The following ILRUN variants were observed in gnomAD, a reference collection of about 807,000 sequenced individuals.
The protein encoded by ILRUN is inflammation and lipid regulator with UBA-like and NBR1-like domains, also known as protein ILRUN.
A neutral mutation model predicts 33.8 loss-of-function variants in ILRUN; 3 were observed. That is an observed-to-expected ratio of 0.09 (90% CI 0.04 to 0.23). ILRUN has a LOEUF of 0.23. Among genes scored for constraint, ILRUN ranks in the 10% least tolerant of loss-of-function variants. ILRUN has a pLI of 1.00. For synonymous variants in ILRUN, 124 were observed against 138.9 expected (o/e 0.89, Z 0.75); for missense variants, 210 against 375.1 (o/e 0.56, Z 3.64).
chr6:34,637,660 G>A (rs552982671), intron 3 of ILRUN, among the ~76,000 whole-genome samples: 9 of 152,182 alleles, frequency 5.9e-5, no homozygotes, highest in Non-Finnish European at 1.2e-4. Flanking sequence ...TGACTAGGCA[G>A]TGAAAACATT....
intron 3 of ILRUN, chr6:34,616,914 G>T: frequency 1.6e-6 from 1 of 610,584 alleles, no homozygotes; most frequent in Non-Finnish European, 3.1e-6. Context: ...AACATGCTGA[G>T]GATTGTAGAA....
chr6:34,590,076 C>T lies in ILRUN; in HGVS notation c.*489G>A, dbSNP rs904901508. The T allele has an allele frequency of 2.5e-5, 4 of 158,214 alleles. No individual in the cohort carries two copies. The highest frequency in any genetic ancestry group is 1.8e-4 in the South Asian group (1 of 5,452). The allele number at this position is 158,214 out of a possible 1,614,324, so 9.8% of individuals were successfully genotyped here. The stretch of plus-strand genomic sequence containing the variant: ...ATCCGCAGAGTCCTCAAACATGCCA[C>T]GCCAACTTTTCACCTGAATCTCTTC... On this transcript the variant is annotated 3_prime_UTR_variant, in exon 5 of 5. Transcript: ENST00000374023.
chr6:34,646,653 T>C lies in ILRUN; in HGVS notation c.459A>G (p.Gly153=). ...ACATCCGCCACTGTCCCTGATACAT[T>C]CCTGCTCTGCTGGGGCTGCACATCT... The part of the protein sequence containing the change: ...SVQMCSPSRA[G]MYQGQWRMCT... Residue 153 remains glycine, a synonymous_variant, in exon 3 of 5, where the codon GGA becomes GGG. Transcript: ENST00000374023. The surrounding 1 kb of genome is among the most constrained non-coding windows in gnomAD (Gnocchi z 4.9). The C allele has an allele frequency of 6.2e-7, 1 of 1,614,130 alleles. No homozygotes were observed. Among genetic ancestry groups the C allele is most frequent in the Non-Finnish European group, 8.5e-7 (1 of 1,180,022 alleles).
chr6:34,613,582 G>A (rs965887475), intron 3 of ILRUN, among the ~76,000 whole-genome samples: 17 of 152,262 alleles, frequency 1.1e-4, no homozygotes, highest in African/African-American at 3.6e-4. Context: ...ATAAGTAAAC[G>A]GATGTTATAT....
intron 1 of ILRUN, among the ~76,000 whole-genome samples, chr6:34,676,034 C>T (rs1302259090): frequency 6.6e-6 from 1 of 152,128 alleles, no homozygotes; most frequent in Non-Finnish European, 1.5e-5. Context: ...ACATCCAATG[C>T]ATCCAGTCAA....
At chr6:34,598,222 G>A (rs1357154245) in intron 4 of ILRUN, among the ~76,000 whole-genome samples, 1 of 152,106 alleles carries the variant, frequency 6.6e-6, no homozygotes, top group Non-Finnish European at 1.5e-5. Flanking sequence ...TGGCCCTTAG[G>A]CAGTGAAATC....
intron 1 of ILRUN, among the ~76,000 whole-genome samples, chr6:34,684,666 G>A (rs1763477596): frequency 1.3e-5 from 2 of 152,018 alleles, no homozygotes; most frequent in Admixed American, 1.3e-4. Flanking sequence ...ACACTGCTAA[G>A]AACAGGATCA....
intron 1 of ILRUN, among the ~76,000 whole-genome samples, chr6:34,674,901 C>T (rs1763195490): frequency 6.6e-6 from 1 of 152,076 alleles, no homozygotes; most frequent in African/African-American, 2.4e-5. Context: ...CATCTCCACA[C>T]ACATACACAC....
intron 1 of ILRUN, among the ~76,000 whole-genome samples, chr6:34,672,251 A>C (rs755729089): frequency 7.9e-5 from 12 of 152,070 alleles, no homozygotes; most frequent in Non-Finnish European, 1.5e-4. Context: ...GCACCACCAC[A>C]CATGGCTAAT....
At chr6:34,601,931 CA>C (rs779133608) in intron 4 of ILRUN, among the ~76,000 whole-genome samples, 1 of 152,162 alleles carries the variant, frequency 6.6e-6, no homozygotes, top group Non-Finnish European at 1.5e-5. Context: ...AGCAAGCCAG[CA>C]AGCACGAGTG....
At chr6:34,604,111 C>T (rs1233626745) in intron 4 of ILRUN, among the ~76,000 whole-genome samples, 1 of 152,238 alleles carries the variant, frequency 6.6e-6, no homozygotes, top group African/African-American at 2.4e-5. Context: ...AAGCTTTTCT[C>T]TACAGTTCTT....
At chr6:34,617,062 C>T in intron 3 of ILRUN, 1 of 528,668 alleles carries the variant, frequency 1.9e-6, no homozygotes, top group Non-Finnish European at 3.7e-6. Flanking sequence ...GTAAATATGG[C>T]ATCACCTGCA....
At chr6:34,647,081 G>A (rs1215331958) in intron 2 of ILRUN, among the ~76,000 whole-genome samples, 1 of 152,106 alleles carries the variant, frequency 6.6e-6, no homozygotes, top group Non-Finnish European at 1.5e-5. Context: ...AAGGCCACAC[G>A]TCACACTGAA....
At chr6:34,596,715 C>T (rs748352421) in intron 4 of ILRUN, among the ~76,000 whole-genome samples, 41 of 152,152 alleles carry the variant, frequency 2.7e-4, no homozygotes, top group Admixed American at 2.6e-4. Context: ...TAGGAAAAAA[C>T]CCTACTTCTA....
chr6:34,679,018 C>G (rs957531254), intron 1 of ILRUN, among the ~76,000 whole-genome samples: 1 of 151,268 alleles, frequency 6.6e-6, no homozygotes, highest in African/African-American at 2.4e-5. Context: ...GGGTGAGGAT[C>G]GAAAAACTAC....
chr6:34,618,443 C>T (rs1272438190), intron 3 of ILRUN, among the ~76,000 whole-genome samples: 1 of 152,158 alleles, frequency 6.6e-6, no homozygotes, highest in Non-Finnish European at 1.5e-5. Flanking sequence ...ATTCCTGTTT[C>T]ACCTAATCCT....
Position 34,646,474 on chromosome 6 carries a change from A to G in ILRUN, c.511+127T>C, listed in dbSNP as rs376536551. On this transcript the variant is annotated intron_variant, in intron 3 of 4. Transcript: ENST00000374023. This position sits in a 1 kb window ranked among gnomAD's most constrained non-coding sequence, Gnocchi z 4.9. ...CATAAAATGCAAATCATTTACCTGCATGAGGTGACTGTTAAAAAGAGGCCA... is the reference window on the plus strand; with the variant it reads ...CATAAAATGCAAATCATTTACCTGCGTGAGGTGACTGTTAAAAAGAGGCCA... The G allele has an allele frequency of 6.6e-6, 5 of 763,014 alleles. No homozygotes were observed. The highest frequency in any genetic ancestry group is 5.2e-5 in the African/African-American group (3 of 57,598). 47.3% of individuals were successfully genotyped at this position (763,014 alleles called of 1,614,324 possible). A position where few individuals can be genotyped will look rare whatever the true frequency, so the allele number is the denominator to read the frequency against.
At chr6:34,608,402 A>T (rs547748023) in intron 3 of ILRUN, among the ~76,000 whole-genome samples, 49 of 152,092 alleles carry the variant, frequency 3.2e-4, no homozygotes, top group African/African-American at 9.2e-4. Context: ...TTAAAAAATT[A>T]AAAAAAATAG....
intron 1 of ILRUN, among the ~76,000 whole-genome samples, chr6:34,665,912 C>G (rs1762987326): frequency 6.7e-6 from 1 of 148,910 alleles, no homozygotes. Flanking sequence ...GATTTCCTGA[C>G]AGTGTGCTTC....
Sources: allele counts gnomAD v4.1 joint callset (sites outside exome capture counted in the v4.1 genomes callset), GRCh38; gene constraint gnomAD v4.1.1; non-coding constraint Gnocchi (gnomAD v3.1); transcripts MANE v1.5; gene names NCBI Gene and HGNC (gene_info 2026-07-23, HGNC 2026-07-21).